DST: variants seen among roughly 807,000 people sequenced by gnomAD.
DST encodes bullous pemphigoid antigen.
A neutral mutation model predicts 875.2 loss-of-function variants in DST; 253 were observed. The ratio of observed to expected loss-of-function variants is 0.29; its 90% confidence interval spans 0.26 to 0.32. DST has a LOEUF of 0.32. Among genes scored for constraint, DST ranks in the 10% least tolerant of loss-of-function variants. The probability of loss-of-function intolerance (pLI) is 1.00; values close to 1 mark genes in which losing one functional copy is unlikely to be tolerated. For synonymous variants in DST, 3,124 were observed against 3,197.1 expected (o/e 0.98, Z 0.77); for missense variants, 8,287 against 9,111.6 (o/e 0.91, Z 3.68).
Position 56,552,923 on chromosome 6 carries a change from T to C in DST, c.15869A>G (p.Gln5290Arg), listed in dbSNP as rs751895966. ...EVSKESKRQLQCAKEQLDIHD... is the reference protein window; with the variant it reads ...EVSKESKRQLRCAKEQLDIHD... ...GATATCTAGCTGCTCCTTTGCACAC[T>C]GAAGCTGCCTTTTAGATTCTTTGGA... Residue 5290 changes from glutamine to arginine, a missense_variant, in exon 61 of 104, where the codon CAG (glutamine) becomes CGG (arginine). Transcript: ENST00000680361. 20 of 1,614,064 alleles carry C rather than the reference T, an allele frequency of 1.2e-5. No homozygotes were observed. The highest frequency in any genetic ancestry group is 1.7e-5 in the Non-Finnish European group (20 of 1,179,896).
At chr6:56,515,401 G>C (rs1462527097) in intron 72 of DST, 49 bp downstream of exon 72, 2 of 1,582,204 alleles carry the variant, frequency 1.3e-6, no homozygotes, top group Non-Finnish European at 1.7e-6. Flanking sequence ...TAAAAATCAT[G>C]ATTCTCTTTT....
intron 36 of DST, chr6:56,618,209 G>C (rs1039556469): frequency 1.2e-6 from 2 of 1,614,120 alleles, no homozygotes; most frequent in Non-Finnish European, 1.7e-6. Context: ...TGGAGCCCCT[G>C]GTGGCTGGAA....
chr6:56,709,540 T>C (rs187004461), intron 5 of DST, among the ~76,000 whole-genome samples: 2 of 152,216 alleles, frequency 1.3e-5, no homozygotes, highest in South Asian at 4.1e-4. Context: ...ATTATAGTGG[T>C]TGATGTTAAT....
At chr6:56,517,339 A>T in intron 70 of DST, 34 bp from the exon 71 acceptor site, 1 of 1,599,224 alleles carries the variant, frequency 6.3e-7, no homozygotes, top group Non-Finnish European at 8.6e-7. Context: ...AAAAAATAAA[A>T]CAAGAAATTG....
intron 3 of DST, among the ~76,000 whole-genome samples, chr6:56,890,133 C>T (rs1786662454): frequency 6.8e-6 from 1 of 147,630 alleles, no homozygotes; most frequent in Non-Finnish European, 1.5e-5. Context: ...CCAAGAGTGC[C>T]TAGGTTTAAA....
chr6:56,949,664 T>G (rs1042733526), intron 2 of DST, among the ~76,000 whole-genome samples: 2 of 152,230 alleles, frequency 1.3e-5, no homozygotes, highest in Non-Finnish European at 2.9e-5. Context: ...CTACATCATG[T>G]GCACACTTAC....
rs1435348308 is a variant in DST, at chr6:56,598,709, C to T, written c.11695G>A (p.Glu3899Lys). The change falls in exon 46 of 104, where the codon GAA (glutamate) becomes AAA (lysine). Residue 3899 changes from glutamate (E) to lysine (K), a missense_variant and splice_region_variant. Physicochemically the swap from Glu to Lys is moderately conservative, Grantham distance 56 (BLOSUM62 1). Transcript: ENST00000680361. Reference protein sequence around the residue: ...ELKKYQSKQEELQKDMQGSAQ... With the variant: ...ELKKYQSKQEKLQKDMQGSAQ... ...CTTCCTTGCATATCTTTCTGTAATT[C>T]CTTATAACACAAAAGGAAAAAATAT... The T allele has an allele frequency of 6.5e-7, 1 of 1,533,164 alleles. No homozygotes were observed. The highest frequency in any genetic ancestry group is 2.3e-5 in the East Asian group (1 of 44,000). The allele number at this position is 1,533,164 out of a possible 1,614,324, so 95.0% of individuals were successfully genotyped here.
Position 56,487,286 on chromosome 6 carries a change from C to A in DST, c.20878-13G>T, listed in dbSNP as rs755321547. ...ATTTCTGAAACTCCTAAATATTTAA[C>A]AAGAAAAAAATGCGAATTTCTTCTT... is the stretch of plus-strand genomic sequence containing the variant. On this transcript the variant is annotated splice_polypyrimidine_tract_variant and intron_variant, in intron 86 of 103. Coordinates refer to ENST00000680361, the MANE Select transcript of DST (RefSeq NM_001374736.1). 6.6e-7 allele frequency: 1 copy of A among 1,520,226 alleles called. No homozygotes were observed. Among genetic ancestry groups the A allele is most frequent in the African/African-American group, 1.4e-5 (1 of 71,824 alleles). The allele number at this position is 1,520,226 out of a possible 1,614,324, so 94.2% of individuals were successfully genotyped here.
intron 4 of DST, among the ~76,000 whole-genome samples, chr6:56,769,236 T>C (rs2099643086): frequency 6.6e-6 from 1 of 152,090 alleles, no homozygotes; most frequent in African/African-American, 2.4e-5. Flanking sequence ...TAAAACAACG[T>C]GAGACACCAC....
chr6:56,583,045 G>T (rs1449916144), intron 49 of DST, among the ~76,000 whole-genome samples: 1 of 152,126 alleles, frequency 6.6e-6, no homozygotes, highest in African/African-American at 2.4e-5. Flanking sequence ...GAATAGTGCT[G>T]CAATAAACAT....
chr6:56,748,509 A>G (rs891724420), intron 4 of DST, among the ~76,000 whole-genome samples: 4 of 152,236 alleles, frequency 2.6e-5, no homozygotes, highest in Non-Finnish European at 5.9e-5. Flanking sequence ...ACGATAATAG[A>G]GTATAATTAA....
rs763518160 is a variant in DST, at chr6:56,624,621, T to A, written c.4838A>T (p.Asp1613Val). 3 of 1,607,992 alleles carry A rather than the reference T, an allele frequency of 1.9e-6. No homozygotes were observed. Among genetic ancestry groups the A allele is most frequent in the Non-Finnish European group, 2.6e-6 (3 of 1,174,884 alleles). Reference protein sequence around the residue: ...SADLIIQEFMDLRTRYTALVT... With the variant: ...SADLIIQEFMVLRTRYTALVT... Reference sequence around the variant, plus strand: ...CAGGGCAGTATATCGAGTCCTTAGGTCCATGAACTGCAAGTAAGGAAAAAA... The same window carrying A: ...CAGGGCAGTATATCGAGTCCTTAGGACCATGAACTGCAAGTAAGGAAAAAA... Residue 1613 changes from aspartate to valine, a missense_variant, in exon 36 of 104, where the codon GAC (aspartate) becomes GTC (valine). Around this residue, in one of 10 missense-constraint regions of DST, gnomAD observed 3,138 missense variants for 3,116.6 expected, o/e 1.01. Transcript: ENST00000680361.
intron 10 of DST, among the ~76,000 whole-genome samples, chr6:56,668,279 G>C (rs1414495652): frequency 6.6e-6 from 1 of 152,186 alleles, no homozygotes; most frequent in Non-Finnish European, 1.5e-5. Flanking sequence ...TGATGGCTGT[G>C]TCTACAGCCA....
At position 56,635,654 on chromosome 6, in the gene DST, G is replaced by A. The variant is rs770477088; in HGVS notation, c.3121C>T (p.Arg1041Trp). Residue 1041 changes from arginine (R) to tryptophan (W), a missense_variant, in exon 24 of 104, where the codon CGG becomes TGG. Physicochemically the swap from Arg to Trp is moderately radical, Grantham distance 101 (BLOSUM62 -3). Coordinates refer to ENST00000680361, the MANE Select transcript of DST (RefSeq NM_001374736.1). ...YLRNLKDAIQRKYSCDRSSSI... is the reference protein window; with the variant it reads ...YLRNLKDAIQWKYSCDRSSSI... ...CTTGATCTATCACAGCTGTACTTCC[G>A]CTGAATGGCATCTTTTAGATTCCTT... 24 of 1,613,786 alleles carry A rather than the reference G, an allele frequency of 1.5e-5. No individual in the cohort carries two copies. Among genetic ancestry groups the A allele is most frequent in the Non-Finnish European group, 1.8e-5 (21 of 1,179,808 alleles).
At chr6:56,932,799 C>T (rs1397969708) in intron 2 of DST, among the ~76,000 whole-genome samples, 1 of 151,540 alleles carries the variant, frequency 6.6e-6, no homozygotes, top group African/African-American at 2.4e-5. Flanking sequence ...GGAGCAGGGA[C>T]ACTTCTTAGG....
intron 4 of DST, among the ~76,000 whole-genome samples, chr6:56,849,798 C>CTG (rs1764128363): frequency 6.6e-6 from 1 of 152,186 alleles, no homozygotes; most frequent in South Asian, 2.1e-4. Context: ...ATATCCATCT[C>CTG]TGCCACTACT....
chr6:56,529,529 A>T lies in DST; in HGVS notation c.17514T>A (p.Asn5838Lys). 6.2e-7 allele frequency: 1 copy of T among 1,613,402 alleles called. No homozygotes were observed. Among genetic ancestry groups the T allele is most frequent in the Non-Finnish European group, 8.5e-7 (1 of 1,179,578 alleles). Residue 5838 changes from asparagine (N) to lysine (K), a missense_variant, in exon 66 of 104, where the codon AAT (asparagine) becomes AAA (lysine). Physicochemically the swap from Asn to Lys is moderately conservative, Grantham distance 94. Coordinates refer to ENST00000680361, the MANE Select transcript of DST (RefSeq NM_001374736.1). Reference protein sequence around the residue: ...EDEVELMNWLNEVHDKLSKLS... With the variant: ...EDEVELMNWLKEVHDKLSKLS... ...GCTTGCTCAGTTTGTCATGCACTTC[A>T]TTCAGCCAGTTCATCAGTTCAACTT...
intron 15 of DST, among the ~76,000 whole-genome samples, chr6:56,643,262 C>A (rs993280587): frequency 6.6e-6 from 1 of 152,138 alleles, no homozygotes; most frequent in Non-Finnish European, 1.5e-5. Context: ...CAGGTCTGTG[C>A]TGAATAATGT....
chr6:56,860,550 CTCAGGCTCCCGACG>C (rs1770536895), intron 3 of DST, among the ~76,000 whole-genome samples: 1 of 152,192 alleles, frequency 6.6e-6, no homozygotes, highest in Non-Finnish European at 1.5e-5. Context: ...TAAATGCTGG[CTCAGGCTCCCGACG>C]AATCTAGCTG....
Sources: allele counts gnomAD v4.1 joint callset (sites outside exome capture counted in the v4.1 genomes callset), GRCh38; gene constraint gnomAD v4.1.1; regional missense constraint gnomAD v4.1.1; transcripts MANE v1.5; gene names NCBI Gene and HGNC (gene_info 2026-07-23, HGNC 2026-07-21).